Variants in CADM2 observed in about 807,000 individuals in gnomAD.
CADM2 encodes the protein immunoglobulin superfamily member 4D.
A neutral mutation model predicts 49.8 loss-of-function variants in CADM2; 12 were observed. The observed-to-expected ratio is 0.24, with a 90% CI of 0.15 to 0.39. The LOEUF (loss-of-function observed/expected upper bound fraction) is 0.39. CADM2 is among the 10% of genes least tolerant of loss of function. The pLI is 1.00. For synonymous variants in CADM2, 214 were observed against 175.4 expected (o/e 1.22, Z -1.74); for missense variants, 378 against 492.3 (o/e 0.77, Z 2.20).
intron 7 of CADM2, among the ~76,000 whole-genome samples, chr3:85,949,653 C>G (rs1294119232): frequency 6.6e-6 from 1 of 151,064 alleles, no homozygotes; most frequent in Non-Finnish European, 1.5e-5. Flanking sequence ...TTTACTTATT[C>G]AGAGCATTTA....
chr3:85,893,988 C>T (rs1308417691), intron 5 of CADM2, among the ~76,000 whole-genome samples: 1 of 152,188 alleles, frequency 6.6e-6, no homozygotes, highest in African/African-American at 2.4e-5. Context: ...CCCGCCATCC[C>T]ATTACTGGGT....
intron 1 of CADM2, among the ~76,000 whole-genome samples, chr3:85,549,789 A>ATTTTTTTTTTTTTT (rs71617942): frequency 2.2e-5 from 3 of 134,836 alleles, no homozygotes; most frequent in African/African-American, 2.8e-5. Context: ...ATGCTGGGCT[A>ATTTTTTTTTTTTTT]TTTTTTTTTT....
chr3:85,111,498 G>A (rs2038456263), intron 1 of CADM2, among the ~76,000 whole-genome samples: 1 of 151,798 alleles, frequency 6.6e-6, no homozygotes, highest in South Asian at 2.1e-4. Context: ...TATGTTAAGT[G>A]AAGTAAACGA....
At chr3:85,838,498 C>G (rs186555474) in intron 3 of CADM2, among the ~76,000 whole-genome samples, 25 of 151,806 alleles carry the variant, frequency 1.6e-4, no homozygotes, top group African/African-American at 3.6e-4. Flanking sequence ...ATTATGCACT[C>G]AAAAATAATT....
At chr3:84,975,513 A>C (rs1036744162) in intron 1 of CADM2, among the ~76,000 whole-genome samples, 8 of 151,870 alleles carry the variant, frequency 5.3e-5, no homozygotes, top group Admixed American at 1.3e-4. Flanking sequence ...ATATAAAGTA[A>C]TGAAGTTACT....
At chr3:85,707,395 T>C (rs2066983977) in intron 1 of CADM2, among the ~76,000 whole-genome samples, 1 of 148,536 alleles carries the variant, frequency 6.7e-6, no homozygotes, top group Non-Finnish European at 1.5e-5. Flanking sequence ...CATTGTATCT[T>C]TTTTTTTTTT....
In CADM2 at chr3:85,180,514, GAAAAAAAAAAA is replaced by G. The variant is rs58932967; in HGVS notation, c.61+220859_61+220869del. Among the ~76,000 whole-genome samples, 483 of 77,316 alleles carry G rather than the reference GAAAAAAAAAAA, an allele frequency of 6.2e-3. 3 individuals are homozygous for G. The highest frequency in any genetic ancestry group is 0.018 in the African/African-American group (461 of 24,994). The allele number at this position is 77,316 out of a possible 152,430, so 50.7% of individuals were successfully genotyped here. A position where few individuals can be genotyped will look rare whatever the true frequency, so the allele number is the denominator to read the frequency against. ...AAAGAGTGAGACCCTGTCTCAAAAA[GAAAAAAAAAAA>G]AAAAAAAAAAAAGAGAAGGAGAAAA... On this transcript the variant is annotated intron_variant, in intron 1 of 9. Transcript: ENST00000383699.
intron 2 of CADM2, among the ~76,000 whole-genome samples, chr3:85,785,373 T>C (rs1189962936): frequency 2.0e-5 from 3 of 152,134 alleles, no homozygotes; most frequent in Non-Finnish European, 4.4e-5. Flanking sequence ...ATAAGTACAA[T>C]TTTAAGCATG....
At chr3:85,517,957 T>A (rs1484179344) in intron 1 of CADM2, among the ~76,000 whole-genome samples, 1 of 152,176 alleles carries the variant, frequency 6.6e-6, no homozygotes, top group Non-Finnish European at 1.5e-5. Context: ...CAATACTTTC[T>A]TCTTATTTAG....
intron 1 of CADM2, among the ~76,000 whole-genome samples, chr3:85,046,381 T>C (rs2035656959): frequency 6.6e-6 from 1 of 151,524 alleles, no homozygotes; most frequent in Admixed American, 6.6e-5. Flanking sequence ...GGCATGGAAT[T>C]AAACTACCAT....
intron 1 of CADM2, among the ~76,000 whole-genome samples, chr3:85,190,686 A>T (rs972637521): frequency 6.6e-6 from 1 of 152,204 alleles, no homozygotes; most frequent in Non-Finnish European, 1.5e-5. Flanking sequence ...AATATTAAGC[A>T]AATTAATGTA....
At chr3:85,509,366 T>G (rs1464434856) in intron 1 of CADM2, among the ~76,000 whole-genome samples, 2 of 152,150 alleles carry the variant, frequency 1.3e-5, no homozygotes, top group African/African-American at 2.4e-5. Context: ...TAATCCCTTA[T>G]GGTATCACTA....
chr3:85,718,750 G>A (rs1299755261), intron 1 of CADM2, among the ~76,000 whole-genome samples: 1 of 151,406 alleles, frequency 6.6e-6, no homozygotes, highest in African/African-American at 2.4e-5. Context: ...TGAGAAAACA[G>A]GGAAAATAAG....
chr3:85,444,443 T>TCACACA (rs4053296), intron 1 of CADM2, among the ~76,000 whole-genome samples: 330 of 148,018 alleles, frequency 2.2e-3, no homozygotes, highest in African/African-American at 7.2e-3. Context: ...TCCTACACAC[T>TCACACA]CACACACACA....
intron 1 of CADM2, among the ~76,000 whole-genome samples, chr3:85,603,271 T>G (rs1422214019): frequency 6.6e-6 from 1 of 151,934 alleles, no homozygotes. Context: ...GCATTTCTTC[T>G]AACATGCCAT....
intron 1 of CADM2, among the ~76,000 whole-genome samples, chr3:85,673,829 T>C (rs933098121): frequency 6.6e-6 from 1 of 152,172 alleles, no homozygotes; most frequent in Non-Finnish European, 1.5e-5. Flanking sequence ...CATGAGAATT[T>C]GTGAGATACT....
intron 1 of CADM2, among the ~76,000 whole-genome samples, chr3:85,236,813 C>T (rs926121176): frequency 2.0e-5 from 3 of 151,950 alleles, no homozygotes; most frequent in Admixed American, 2.0e-4. Context: ...GAAGGGTGAC[C>T]TCAACTAGAG....
At chr3:85,883,567 C>A in intron 4 of CADM2, 124 bp downstream of exon 4, 2 of 823,012 alleles carry the variant, frequency 2.4e-6, no homozygotes, top group South Asian at 3.6e-5. Context: ...TTAATCCTTT[C>A]TCTGCTACAT....
chr3:86,064,606 T>C (rs1447350577), intron 8 of CADM2, among the ~76,000 whole-genome samples: 1 of 152,152 alleles, frequency 6.6e-6, no homozygotes, highest in East Asian at 1.9e-4. Flanking sequence ...GTATTTCTAG[T>C]TCTAGATCCC....
Sources: gnomAD v4.1 joint callset for allele counts (sites outside exome capture counted in the v4.1 genomes callset) on GRCh38, gnomAD v4.1.1 for gene constraint, MANE v1.5 for transcripts, NCBI Gene and HGNC (gene_info 2026-07-23, HGNC 2026-07-21) for gene names.